The following PRKCE variants were observed in gnomAD, a reference collection of about 807,000 sequenced individuals.
The protein encoded by PRKCE is protein kinase C epsilon.
PRKCE carries 16 observed loss-of-function variants against 85.4 expected under a neutral mutation model. The observed-to-expected ratio is 0.19, with a 90% CI of 0.13 to 0.28. PRKCE has a LOEUF of 0.28. Ranked by LOEUF, PRKCE falls within the 10% of genes least tolerant of loss-of-function variation. The pLI is 1.00. For missense variants in PRKCE, 573 were observed against 975.2 expected (o/e 0.59, Z 5.49); for synonymous variants, 388 against 371.5 (o/e 1.04, Z -0.51).
At chr2:45,828,752 G>A (rs551954245) in intron 1 of PRKCE, among the ~76,000 whole-genome samples, 1 of 151,914 alleles carries the variant, frequency 6.6e-6, no homozygotes, top group South Asian at 2.1e-4. Context: ...ACTACATAAT[G>A]TTCTTAAAGC....
chr2:45,721,792 G>C (rs1185650422), intron 1 of PRKCE, among the ~76,000 whole-genome samples: 1 of 151,404 alleles, frequency 6.6e-6, no homozygotes. Context: ...CAGGAGGCTT[G>C]TTTAAGCCTA....
intron 1 of PRKCE, among the ~76,000 whole-genome samples, chr2:45,725,260 C>G (rs890718504): frequency 2.0e-5 from 3 of 152,112 alleles, no homozygotes; most frequent in Non-Finnish European, 2.9e-5. Context: ...TTTAGCCCAC[C>G]ATTGAGACCT....
intron 11 of PRKCE, among the ~76,000 whole-genome samples, chr2:46,122,991 T>C (rs1386173161): frequency 6.6e-6 from 1 of 150,972 alleles, no homozygotes; most frequent in Admixed American, 6.6e-5. Flanking sequence ...ACTGAGTTAT[T>C]TCCTCCCTGG....
At chr2:46,148,861 T>C (rs1233622286) in intron 12 of PRKCE, among the ~76,000 whole-genome samples, 1 of 151,640 alleles carries the variant, frequency 6.6e-6, no homozygotes, top group Non-Finnish European at 1.5e-5. Flanking sequence ...GAGGGAGGAG[T>C]TGGCATTGGC....
At chr2:46,104,912 C>CTGAT (rs916030458) in intron 11 of PRKCE, among the ~76,000 whole-genome samples, 9 of 152,204 alleles carry the variant, frequency 5.9e-5, no homozygotes, top group Admixed American at 5.2e-4. Context: ...GATTATAAAC[C>CTGAT]TGATTGCATT....
At chr2:45,819,133 A>G (rs1689321251) in intron 1 of PRKCE, among the ~76,000 whole-genome samples, 1 of 152,200 alleles carries the variant, frequency 6.6e-6, no homozygotes, top group South Asian at 2.1e-4. Context: ...TGCTGATGGT[A>G]AATATTTACT....
chr2:45,725,285 T>C lies in PRKCE; in HGVS notation c.348+72837T>C, dbSNP rs556255071. On this transcript the variant is annotated intron_variant, in intron 1 of 14. Transcript: ENST00000306156. Reference sequence around the variant, plus strand: ...CATTGAGACCTGCTCAGAAAAAGATTTCTTTCAAAATGTTACTGTTCATTG... The same window carrying C: ...CATTGAGACCTGCTCAGAAAAAGATCTCTTTCAAAATGTTACTGTTCATTG... 3.3e-5 allele frequency among the ~76,000 whole-genome samples: 5 copies of C among 152,318 alleles called. No homozygotes were observed. In the South Asian group the frequency reaches 1.0e-3, roughly 32 times the overall value.
chr2:45,725,628 C>T (rs142701453), intron 1 of PRKCE, among the ~76,000 whole-genome samples: 2,066 of 152,076 alleles, frequency 0.014, 24 homozygotes, highest in Admixed American at 0.021. Flanking sequence ...GTCAAGAGAT[C>T]GAGACCATCC....
chr2:45,820,767 G>T (rs1253786652), intron 1 of PRKCE, among the ~76,000 whole-genome samples: 1 of 152,142 alleles, frequency 6.6e-6, no homozygotes, highest in Non-Finnish European at 1.5e-5. Context: ...GTGCATGGTT[G>T]TTGCAGATTT....
chr2:45,863,434 T>C (rs946905435), intron 2 of PRKCE, among the ~76,000 whole-genome samples: 2 of 152,202 alleles, frequency 1.3e-5, no homozygotes, highest in African/African-American at 2.4e-5. Flanking sequence ...TGCTCCGTGA[T>C]GAATCAGGAC....
At chr2:46,157,177 T>C (rs1209753826) in intron 13 of PRKCE, among the ~76,000 whole-genome samples, 1 of 152,174 alleles carries the variant, frequency 6.6e-6, no homozygotes, top group Non-Finnish European at 1.5e-5. Context: ...TTTTGTCTCC[T>C]GATTCCCGGA....
chr2:46,030,563 C>T (rs1229871960), intron 10 of PRKCE, among the ~76,000 whole-genome samples: 1 of 152,216 alleles, frequency 6.6e-6, no homozygotes, highest in African/African-American at 2.4e-5. Flanking sequence ...CCTCCTCCCT[C>T]TTGCTGTTAC....
intron 5 of PRKCE, among the ~76,000 whole-genome samples, chr2:45,983,590 C>T (rs1456840477): frequency 6.6e-6 from 1 of 152,190 alleles, no homozygotes; most frequent in Non-Finnish European, 1.5e-5. Flanking sequence ...ATTGACCCTG[C>T]CATCCTGTGA....
At chr2:45,990,948 C>T (rs1703743889) in intron 6 of PRKCE, among the ~76,000 whole-genome samples, 1 of 151,938 alleles carries the variant, frequency 6.6e-6, no homozygotes, top group Non-Finnish European at 1.5e-5. Context: ...AGGTGTGAGC[C>T]ACTGCACCCA....
At chr2:45,936,090 G>C (rs542661787) in intron 2 of PRKCE, among the ~76,000 whole-genome samples, 49 of 152,196 alleles carry the variant, frequency 3.2e-4, no homozygotes, top group African/African-American at 1.2e-3. Context: ...CTGCCTTTGA[G>C]GCTGATCCTT....
chr2:46,158,169 A>C (rs1677402634), intron 13 of PRKCE, among the ~76,000 whole-genome samples: 1 of 152,246 alleles, frequency 6.6e-6, no homozygotes, highest in Non-Finnish European at 1.5e-5. Flanking sequence ...TAGACAAATC[A>C]TAATTTAAAT....
intron 1 of PRKCE, among the ~76,000 whole-genome samples, chr2:45,662,692 C>CTTTT (rs34322525): frequency 1.3e-5 from 2 of 149,060 alleles, no homozygotes; most frequent in Admixed American, 6.7e-5. Context: ...CCAGCTCCTG[C>CTTTT]TTTTTTTTTT....
intron 2 of PRKCE, among the ~76,000 whole-genome samples, chr2:45,856,704 C>G (rs991370042): frequency 6.6e-6 from 1 of 152,322 alleles, no homozygotes; most frequent in Non-Finnish European, 1.5e-5. Flanking sequence ...TCCATCCCCC[C>G]TGACTTCTAT....
chr2:45,915,078 G>A (rs904341124), intron 2 of PRKCE, among the ~76,000 whole-genome samples: 1 of 152,098 alleles, frequency 6.6e-6, no homozygotes, highest in African/African-American at 2.4e-5. Context: ...TAGTATAGTT[G>A]GGGTTTCACC....
Sources: gnomAD v4.1 joint callset for allele counts (sites outside exome capture counted in the v4.1 genomes callset) on GRCh38, gnomAD v4.1.1 for gene constraint, MANE v1.5 for transcripts, NCBI Gene and HGNC (gene_info 2026-07-23, HGNC 2026-07-21) for gene names.